The following ATP1A1 variants were observed in gnomAD, a reference collection of about 807,000 sequenced individuals.
The protein encoded by ATP1A1 is sodium/potassium-transporting ATPase subunit alpha-1.
A neutral mutation model predicts 114.8 loss-of-function variants in ATP1A1; 14 were observed. That is an observed-to-expected ratio of 0.12 (90% CI 0.08 to 0.19). The LOEUF (loss-of-function observed/expected upper bound fraction) is 0.19. Ranked by LOEUF, ATP1A1 falls within the 10% of genes least tolerant of loss-of-function variation. The pLI, the probability that ATP1A1 is intolerant of heterozygous loss-of-function variation, is 1.00. For synonymous variants in ATP1A1, 471 were observed against 466.3 expected, an observed-to-expected ratio of 1.01 and a Z score of -0.13; for missense variants, 524 against 1,290.7, an observed-to-expected ratio of 0.41 and a Z score of 9.10.
chr1:116,390,531 T>A, intron 9 of ATP1A1, 120 bp downstream of exon 9: 1 of 1,035,700 alleles, frequency 9.7e-7, no homozygotes, highest in Non-Finnish European at 1.3e-6. Context: ...TTTTCTTTCT[T>A]TTTTGTTTTT....
intron 1 of ATP1A1, among the ~76,000 whole-genome samples, chr1:116,382,043 C>T (rs940321840): frequency 6.6e-6 from 1 of 152,048 alleles, no homozygotes; most frequent in Non-Finnish European, 1.5e-5. Flanking sequence ...GGCGTGGTGG[C>T]GAGCGCCTAT....
rs1441554199 is a variant in ATP1A1, at chr1:116,373,296, G to A, written c.-216G>A. On this transcript the variant is annotated 5_prime_UTR_variant, in exon 1 of 23. The change creates a new upstream start codon in the 5' untranslated region. Transcript: ENST00000295598. ...AGCAGCGGCGGGAGGAGGCGGACACGTGGCAACAGCGGTAGCAGCCCGGGC... is the reference window on the plus strand; with the variant it reads ...AGCAGCGGCGGGAGGAGGCGGACACATGGCAACAGCGGTAGCAGCCCGGGC... 2 of 411,874 alleles carry A rather than the reference G, an allele frequency of 4.9e-6. No homozygotes were observed. Among genetic ancestry groups the A allele is most frequent in the Non-Finnish European group, 8.5e-6 (2 of 235,876 alleles). 25.5% of individuals were successfully genotyped at this position (411,874 alleles called of 1,614,324 possible). A position where few individuals can be genotyped will look rare whatever the true frequency, so the allele number is the denominator to read the frequency against.
Position 116,399,045 on chromosome 1 carries a change from G to T in ATP1A1, c.2409G>T (p.Gly803=). The part of the protein sequence containing the change: ...FIIANIPLPL[G]TVTILCIDLG... ...TTGCAAACATTCCACTACCACTGGGGACTGTCACCATCCTCTGCATTGACT... is the reference window on the plus strand; with the variant it reads ...TTGCAAACATTCCACTACCACTGGGTACTGTCACCATCCTCTGCATTGACT... The change falls in exon 17 of 23, where the codon GGG becomes GGT. Residue 803 remains glycine, a synonymous_variant. Coordinates refer to ENST00000295598, the MANE Select transcript of ATP1A1 (RefSeq NM_000701.8). The surrounding 1 kb of genome is among the most constrained non-coding windows in gnomAD (Gnocchi z 5.0). 9.3e-6 allele frequency: 15 copies of T among 1,614,154 alleles called. No homozygotes were observed. The highest frequency in any genetic ancestry group is 1.2e-5 in the Non-Finnish European group (14 of 1,180,026).
rs748414419 is a variant in ATP1A1 at position 116,404,006 on chromosome 1, G to A, written c.3043+31G>A. ...TATGGGCATTCTGACTTTGGTTGGA[G>A]GAGGAGTGGGAGGGGCTATAGTTCT... On this transcript the variant is annotated intron_variant, in intron 22 of 22. Transcript: ENST00000295598. This position sits in a 1 kb window ranked among gnomAD's most constrained non-coding sequence, Gnocchi z 4.8. 7.6e-6 allele frequency: 12 copies of A among 1,588,924 alleles called. No homozygotes were observed. The South Asian group carries it at 1.1e-4, about 15-fold the overall frequency.
At position 116,385,764 on chromosome 1, in the gene ATP1A1, G is replaced by A. The variant is rs1179115318; in HGVS notation, c.183+922G>A. 6 of 152,094 alleles carry A rather than the reference G, an allele frequency of 3.9e-5. No individual in the cohort carries two copies. The highest frequency in any genetic ancestry group is 1.4e-4 in the African/African-American group (6 of 41,388). The allele number at this position is 152,094 out of a possible 1,614,324, so 9.4% of individuals were successfully genotyped here. On this transcript the variant is annotated intron_variant, in intron 3 of 22. Transcript: ENST00000295598. This position sits in a 1 kb window ranked among gnomAD's most constrained non-coding sequence, Gnocchi z 4.3. ...TTGGAATTGAATTGGAGGAAACCTTGGTGGTGGGGAGAAACCGCCACACCT... is the reference window on the plus strand; with the variant it reads ...TTGGAATTGAATTGGAGGAAACCTTAGTGGTGGGGAGAAACCGCCACACCT...
At chr1:116,403,762 G>A (rs1653735235) in intron 21 of ATP1A1, 122 bp from the exon 22 acceptor site, 1 of 797,416 alleles carries the variant, frequency 1.3e-6, no homozygotes, top group East Asian at 2.5e-5. Flanking sequence ...AGTTAACTGT[G>A]ACTGTACTTG....
At position 116,398,748 on chromosome 1, in the gene ATP1A1, T is replaced by A; in HGVS notation, c.2252T>A (p.Leu751Gln). 6.2e-7 allele frequency: 1 copy of A among 1,614,190 alleles called. No homozygotes were observed. The highest frequency in any genetic ancestry group is 8.5e-7 in the Non-Finnish European group (1 of 1,180,046). The part of the protein sequence containing the change: ...VSKQAADMIL[L>Q]DDNFASIVTG... Reference sequence around the variant, plus strand: ...AAGCAAGCTGCTGACATGATTCTTCTGGATGACAACTTTGCCTCAATTGTG... The same window carrying A: ...AAGCAAGCTGCTGACATGATTCTTCAGGATGACAACTTTGCCTCAATTGTG... Residue 751 changes from leucine to glutamine, a missense_variant, in exon 16 of 23, where the codon CTG becomes CAG. By Grantham distance (113) the Leu-to-Gln change is moderately radical. This residue lies in a region of ATP1A1 where 36 missense variants were observed against 199.6 expected (regional missense o/e 0.18). Coordinates refer to ENST00000295598, the MANE Select transcript of ATP1A1 (RefSeq NM_000701.8). The surrounding 1 kb of genome is among the most constrained non-coding windows in gnomAD (Gnocchi z 6.1).
chr1:116,384,919 C>T lies in ATP1A1; in HGVS notation c.183+77C>T. On this transcript the variant is annotated intron_variant, in intron 3 of 22. Transcript: ENST00000295598. The surrounding 1 kb of genome is among the most constrained non-coding windows in gnomAD (Gnocchi z 5.1). Reference sequence around the variant, plus strand: ...ATTTTCCCCTGTATTACATACAGGTCTAACCTCAGGGGCTCTAGTAAGAAA... The same window carrying T: ...ATTTTCCCCTGTATTACATACAGGTTTAACCTCAGGGGCTCTAGTAAGAAA... 4 of 1,385,012 alleles carry T rather than the reference C, an allele frequency of 2.9e-6. No individual in the cohort carries two copies. Among genetic ancestry groups the T allele is most frequent in the Non-Finnish European group, 4.1e-6 (4 of 974,484 alleles). The allele number at this position is 1,385,012 out of a possible 1,614,324, so 85.8% of individuals were successfully genotyped here.
rs1420956568 is a variant in ATP1A1 at position 116,384,257 on chromosome 1, T to C, written c.123+133T>C. Reference sequence around the variant, plus strand: ...TCATAGCAGCTGTACAGATCTCATCTAGTCGTAGAGGTTAATGTTGAACAT... The same window carrying C: ...TCATAGCAGCTGTACAGATCTCATCCAGTCGTAGAGGTTAATGTTGAACAT... On this transcript the variant is annotated intron_variant, in intron 2 of 22. Transcript: ENST00000295598. The surrounding 1 kb of genome is among the most constrained non-coding windows in gnomAD (Gnocchi z 5.1). 2.7e-6 allele frequency: 2 copies of C among 730,042 alleles called. No individual in the cohort carries two copies. Among genetic ancestry groups the C allele is most frequent in the Non-Finnish European group, 4.4e-6 (2 of 450,632 alleles). 45.2% of individuals were successfully genotyped at this position (730,042 alleles called of 1,614,324 possible). A position where few individuals can be genotyped will look rare whatever the true frequency, so the allele number is the denominator to read the frequency against.
At chr1:116,376,262 A>G (rs765853120) in intron 1 of ATP1A1, among the ~76,000 whole-genome samples, 5 of 152,224 alleles carry the variant, frequency 3.3e-5, no homozygotes, top group Non-Finnish European at 7.3e-5. Flanking sequence ...GGGCAGGGAA[A>G]AAAGGTTCCA....
At chr1:116,375,361 A>G (rs2101027937) in intron 1 of ATP1A1, among the ~76,000 whole-genome samples, 1 of 152,310 alleles carries the variant, frequency 6.6e-6, no homozygotes, top group South Asian at 2.1e-4. Flanking sequence ...GAAACGGGGT[A>G]TTTGTGATGT....
Position 116,398,116 on chromosome 1 carries a change from G to A in ATP1A1, c.2124+78G>A, listed in dbSNP as rs1653091592. 3.2e-6 allele frequency: 5 copies of A among 1,555,690 alleles called. No homozygotes were observed. Among genetic ancestry groups the A allele is most frequent in the East Asian group, 4.5e-5 (2 of 44,478 alleles). ...GGAGTTCCAGTGGAAACAGAGCAAC[G>A]GTGATGGATGGATGCATACCTCGCT... On this transcript the variant is annotated intron_variant, in intron 15 of 22. Coordinates refer to ENST00000295598, the MANE Select transcript of ATP1A1 (RefSeq NM_000701.8). The surrounding 1 kb of genome is among the most constrained non-coding windows in gnomAD (Gnocchi z 6.1).
intron 3 of ATP1A1, among the ~76,000 whole-genome samples, chr1:116,386,537 CAA>C (rs1163279357): frequency 1.3e-5 from 2 of 151,882 alleles, no homozygotes; most frequent in East Asian, 1.9e-4. Context: ...ATACTTTAGA[CAA>C]AAATATTTTA....
At chr1:116,383,760 A>C (rs1208624831) in intron 1 of ATP1A1, among the ~76,000 whole-genome samples, 1 of 152,204 alleles carries the variant, frequency 6.6e-6, no homozygotes, top group Non-Finnish European at 1.5e-5. Flanking sequence ...GCCATTCTGA[A>C]GCCTACCGGT....
intron 1 of ATP1A1, among the ~76,000 whole-genome samples, chr1:116,377,555 A>G (rs909715137): frequency 6.6e-6 from 1 of 152,256 alleles, no homozygotes; most frequent in East Asian, 1.9e-4. Context: ...GTTTAATAGC[A>G]TCTTTCTGTC....
At chr1:116,376,094 C>A (rs961749625) in intron 1 of ATP1A1, among the ~76,000 whole-genome samples, 36 of 152,242 alleles carry the variant, frequency 2.4e-4, no homozygotes, top group African/African-American at 7.9e-4. Flanking sequence ...CAAAGGTACA[C>A]GCCATAACTG....
rs919281808 is a variant in ATP1A1, at chr1:116,389,632, C to G, written c.948C>G (p.Thr316=). The change falls in exon 8 of 23, where the codon ACC becomes ACG. Residue 316 remains threonine (T), a synonymous_variant. Transcript: ENST00000295598. This position sits in a 1 kb window ranked among gnomAD's most constrained non-coding sequence, Gnocchi z 6.9. The part of the protein sequence containing the change: ...FFILSLILEY[T]WLEAVIFLIG... ...TCCTTTCTCTCATCCTTGAGTACAC[C>G]TGGCTTGAGGCTGTCATCTTCCTCA... 1 of 1,614,188 alleles carries G rather than the reference C, an allele frequency of 6.2e-7. No individual in the cohort carries two copies. The highest frequency in any genetic ancestry group is 2.2e-5 in the East Asian group (1 of 44,886).
Position 116,384,224 on chromosome 1 carries a change from A to G in ATP1A1, c.123+100A>G. 1 of 912,468 alleles carries G rather than the reference A, an allele frequency of 1.1e-6. No homozygotes were observed. The highest frequency in any genetic ancestry group is 1.7e-6 in the Non-Finnish European group (1 of 592,568). 56.5% of individuals were successfully genotyped at this position (912,468 alleles called of 1,614,324 possible). Reference sequence around the variant, plus strand: ...ATTCTTCAAAGAACTGCTATATATTAAAAGAGATCATAGCAGCTGTACAGA... The same window carrying G: ...ATTCTTCAAAGAACTGCTATATATTGAAAGAGATCATAGCAGCTGTACAGA... On this transcript the variant is annotated intron_variant, in intron 2 of 22. Transcript: ENST00000295598. This position sits in a 1 kb window ranked among gnomAD's most constrained non-coding sequence, Gnocchi z 5.1.
In ATP1A1 at chr1:116,384,044, G is replaced by A. The variant is rs1651915565; in HGVS notation, c.43G>A (p.Val15Ile). 6.2e-7 allele frequency: 1 copy of A among 1,614,108 alleles called. No individual in the cohort carries two copies. Among genetic ancestry groups the A allele is most frequent in the Non-Finnish European group, 8.5e-7 (1 of 1,179,978 alleles). ...ACGTGATAAGTATGAGCCTGCAGCT[G>A]TTTCAGAACAAGGTGATAAAAAGGG... ...VGRDKYEPAAVSEQGDKKGKK... is the reference protein window; with the variant it reads ...VGRDKYEPAAISEQGDKKGKK... Residue 15 changes from valine to isoleucine, a missense_variant, in exon 2 of 23, where the codon GTT becomes ATT. Physicochemically the swap from Val to Ile is conservative, Grantham distance 29. Coordinates refer to ENST00000295598, the MANE Select transcript of ATP1A1 (RefSeq NM_000701.8). This position sits in a 1 kb window ranked among gnomAD's most constrained non-coding sequence, Gnocchi z 5.1.
Sources: gnomAD v4.1 joint callset for allele counts (sites outside exome capture counted in the v4.1 genomes callset) on GRCh38, gnomAD v4.1.1 for gene constraint, gnomAD v4.1.1 regional missense constraint, Gnocchi (gnomAD v3.1) non-coding constraint, MANE v1.5 for transcripts, NCBI Gene and HGNC (gene_info 2026-07-23, HGNC 2026-07-21) for gene names.